The following HECTD4 variants were observed in gnomAD, a reference collection of about 807,000 sequenced individuals.
HECTD4 encodes HECT domain E3 ubiquitin protein ligase 4, also known as probable E3 ubiquitin-protein ligase HECTD4.
In HECTD4, 114 loss-of-function variants were observed where a neutral mutation model predicts 471.5. That is an observed-to-expected ratio of 0.24 (90% CI 0.21 to 0.28). HECTD4 has a LOEUF of 0.28. HECTD4 is among the 10% of genes least tolerant of loss of function. HECTD4 has a pLI of 1.00. For missense variants in HECTD4, 3,866 were observed against 5,651.5 expected (o/e 0.68, Z 10.13); for synonymous variants, 2,012 against 2,256.0 (o/e 0.89, Z 3.07).
chr12:112,307,116 T>A (rs983278073), intron 6 of HECTD4, among the ~76,000 whole-genome samples: 5 of 152,024 alleles, frequency 3.3e-5, no homozygotes, highest in Non-Finnish European at 7.4e-5. Context: ...ATAAAAATAA[T>A]TAGAGAAAGT....
At chr12:112,216,634 T>C (rs1810202504) in intron 47 of HECTD4, 139 bp downstream of exon 47, 1 of 1,043,678 alleles carries the variant, frequency 9.6e-7, no homozygotes, top group Non-Finnish European at 1.4e-6. Context: ...GCACTGGAAA[T>C]CTCCAGAAAG....
At chr12:112,321,443 A>AG (rs1444253311) in intron 1 of HECTD4, among the ~76,000 whole-genome samples, 1 of 152,226 alleles carries the variant, frequency 6.6e-6, no homozygotes, top group Non-Finnish European at 1.5e-5. Context: ...AGGGCACTCT[A>AG]GGAGCAAGCA....
At chr12:112,312,928 G>A in intron 4 of HECTD4, 89 bp downstream of exon 4, 1 of 1,016,942 alleles carries the variant, frequency 9.8e-7, no homozygotes. Flanking sequence ...GGAACATACA[G>A]AGTTATAGCC....
At chr12:112,199,734 C>A (rs1022792191) in intron 55 of HECTD4, among the ~76,000 whole-genome samples, 1 of 152,216 alleles carries the variant, frequency 6.6e-6, no homozygotes, top group Non-Finnish European at 1.5e-5. Context: ...GAAGCCTGCA[C>A]AGTGCTAGGC....
At chr12:112,171,662 A>C (rs1460650218) in intron 67 of HECTD4, among the ~76,000 whole-genome samples, 1 of 152,232 alleles carries the variant, frequency 6.6e-6, no homozygotes, top group Admixed American at 6.5e-5. Context: ...CAAAACCAGG[A>C]AACTGTGCCA....
chr12:112,293,258 A>G (rs1594017230), intron 7 of HECTD4, among the ~76,000 whole-genome samples: 1 of 141,140 alleles, frequency 7.1e-6, no homozygotes, highest in East Asian at 2.2e-4. Flanking sequence ...CCAGCTACTC[A>G]GGAGGCTGAG....
chr12:112,363,252 A>G (rs960208750), intron 1 of HECTD4, among the ~76,000 whole-genome samples: 1 of 151,994 alleles, frequency 6.6e-6, no homozygotes, highest in African/African-American at 2.4e-5. Flanking sequence ...GTGTGTATAC[A>G]CACAAGCATA....
rs751938400 is a variant in HECTD4 at position 112,266,788 on chromosome 12, T to C, written c.2392+124A>G. ...TGAGCCACCGTGCCTGGCCTGCAGATACATTTCTTAAATATGCTGACTAAC... is the reference window on the plus strand; with the variant it reads ...TGAGCCACCGTGCCTGGCCTGCAGACACATTTCTTAAATATGCTGACTAAC... On this transcript the variant is annotated intron_variant, in intron 14 of 75. Transcript: ENST00000682272. The C allele has an allele frequency of 8.6e-5, 58 of 675,698 alleles. 1 individual carries two copies. Among genetic ancestry groups the C allele is most frequent in the Non-Finnish European group, 1.4e-4 (54 of 375,524 alleles). 41.9% of individuals were successfully genotyped at this position (675,698 alleles called of 1,614,324 possible).
In HECTD4 at chr12:112,382,357, C is replaced by G; in HGVS notation, c.-229G>C. 4 of 398,212 alleles carry G rather than the reference C, an allele frequency of 1.0e-5. No homozygotes were observed. Among genetic ancestry groups the G allele is most frequent in the Non-Finnish European group, 1.7e-5 (4 of 231,930 alleles). The allele number at this position is 398,212 out of a possible 1,614,324, so 24.7% of individuals were successfully genotyped here. On this transcript the variant is annotated 5_prime_UTR_variant, in exon 1 of 76. Transcript: ENST00000682272. ...CCGCCGCCGCCGCCGCCGCCGCCGC[C>G]GCCCTCAGGAGCAGGATCCGCCTCT...
At chr12:112,376,087 A>G (rs2036772772) in intron 1 of HECTD4, among the ~76,000 whole-genome samples, 1 of 152,142 alleles carries the variant, frequency 6.6e-6, no homozygotes, top group African/African-American at 2.4e-5. Context: ...AAAAAAAATA[A>G]TAATAAAAAT....
chr12:112,208,712 G>C, intron 50 of HECTD4, 82 bp from the exon 51 acceptor site: 1 of 1,291,226 alleles, frequency 7.7e-7, no homozygotes, highest in Non-Finnish European at 1.0e-6. Context: ...AGACAAACCA[G>C]ATTATCTTAA....
chr12:112,257,569 G>A (rs2034045483), intron 20 of HECTD4, among the ~76,000 whole-genome samples: 1 of 152,170 alleles, frequency 6.6e-6, no homozygotes, highest in Admixed American at 6.5e-5. Context: ...TGTCACTAGA[G>A]ATTAGTTTGC....
chr12:112,270,501 A>T, intron 11 of HECTD4, 42 bp from the exon 12 acceptor site: 1 of 1,493,004 alleles, frequency 6.7e-7, no homozygotes, highest in Non-Finnish European at 9.3e-7. Flanking sequence ...AGACATCTCT[A>T]TGGGTGGTCC....
intron 44 of HECTD4, among the ~76,000 whole-genome samples, chr12:112,224,619 A>G (rs1448746450): frequency 1.3e-5 from 2 of 152,218 alleles, no homozygotes; most frequent in Non-Finnish European, 2.9e-5. Flanking sequence ...ATCAATACGC[A>G]TAAGCTCATA....
intron 60 of HECTD4, among the ~76,000 whole-genome samples, chr12:112,187,009 C>T (rs1007430193): frequency 1.4e-5 from 2 of 144,110 alleles, no homozygotes; most frequent in African/African-American, 2.6e-5. Flanking sequence ...GATGGAGTTT[C>T]GCTCTTGTTG....
At chr12:112,353,454 C>T (rs2036281429) in intron 1 of HECTD4, among the ~76,000 whole-genome samples, 1 of 152,180 alleles carries the variant, frequency 6.6e-6, no homozygotes, top group African/African-American at 2.4e-5. Context: ...AAAAAGTCAG[C>T]TTCGTATTGT....
intron 7 of HECTD4, among the ~76,000 whole-genome samples, chr12:112,292,727 G>GA (rs2034913903): frequency 6.6e-6 from 1 of 152,054 alleles, no homozygotes; most frequent in Admixed American, 6.6e-5. Context: ...AAAATACCGG[G>GA]AAAAAAATCT....
At position 112,318,725 on chromosome 12, in the gene HECTD4, T is replaced by C. The variant is rs2035533963; in HGVS notation, c.695+500A>G. ...TATACTGAGAAATCTTCCAATTAAA[T>C]TGATCAAAACAAGTATTAGGTCCAA... On this transcript the variant is annotated intron_variant, in intron 2 of 75. Coordinates refer to ENST00000682272, the MANE Select transcript of HECTD4 (RefSeq NM_001388303.1). Among the ~76,000 whole-genome samples, 6 of 152,176 alleles carry C rather than the reference T, an allele frequency of 3.9e-5. No individual in the cohort carries two copies. In the South Asian group the frequency reaches 1.2e-3, roughly 31 times the overall value.
At chr12:112,170,509 C>G in intron 68 of HECTD4, 57 bp from the exon 69 acceptor site, 1 of 1,323,522 alleles carries the variant, frequency 7.6e-7, no homozygotes, top group Non-Finnish European at 1.0e-6. Context: ...CCTTCCCAGT[C>G]CCCCCAAGAC....
Sources: gnomAD v4.1 joint callset for allele counts (sites outside exome capture counted in the v4.1 genomes callset) on GRCh38, gnomAD v4.1.1 for gene constraint, MANE v1.5 for transcripts, NCBI Gene and HGNC (gene_info 2026-07-23, HGNC 2026-07-21) for gene names.